The following WDR11 variants were observed in gnomAD, a reference collection of about 807,000 sequenced individuals.
WDR11 encodes WD repeat domain 11.
A neutral mutation model predicts 151.2 loss-of-function variants in WDR11; 83 were observed. The observed-to-expected ratio is 0.55, with a 90% CI of 0.46 to 0.66. The LOEUF is 0.66. Among genes scored for constraint, WDR11 ranks in the 30% least tolerant of loss-of-function variants. The probability of loss-of-function intolerance (pLI) is 0.00; values close to 1 mark genes in which losing one functional copy is unlikely to be tolerated. For synonymous variants in WDR11, 484 were observed against 533.1 expected (o/e 0.91, Z 1.27); for missense variants, 1,301 against 1,480.9 (o/e 0.88, Z 1.99).
chr10:120,891,507 C>G lies in WDR11; in HGVS notation c.2515+620C>G, dbSNP rs114583371. Among the ~76,000 whole-genome samples, 838 of 151,930 alleles carry G rather than the reference C, an allele frequency of 5.5e-3. 14 individuals carry two copies. The highest frequency in any genetic ancestry group is 0.019 in the African/African-American group (799 of 41,460). On this transcript the variant is annotated intron_variant, in intron 19 of 28. Coordinates refer to ENST00000263461, the MANE Select transcript of WDR11 (RefSeq NM_018117.12). ...GACAATTGTGAATGCATCCATTTAT[C>G]AGTTTAAAAGGCAGCTTTTGGCTGA...
At chr10:120,865,003 T>C (rs1409114138) in intron 5 of WDR11, 44 bp from the exon 6 acceptor site, 2 of 1,596,218 alleles carry the variant, frequency 1.3e-6, no homozygotes, top group Non-Finnish European at 1.7e-6. Context: ...TTAGGTCTGA[T>C]ATAAATGAAG....
intron 9 of WDR11, among the ~76,000 whole-genome samples, chr10:120,868,067 T>A (rs1183618477): frequency 1.3e-5 from 2 of 152,210 alleles, no homozygotes; most frequent in Non-Finnish European, 2.9e-5. Context: ...GGATTTTCTG[T>A]TTTATTATTT....
rs1042671304 is a variant in WDR11 at position 120,858,540 on chromosome 10, T to C, written c.199-103T>C. The C allele has an allele frequency of 5.2e-6, 7 of 1,346,288 alleles. No individual in the cohort carries two copies. In the African/African-American group the frequency reaches 7.2e-5, roughly 14 times the overall value. 83.4% of individuals were successfully genotyped at this position (1,346,288 alleles called of 1,614,324 possible). A position where few individuals can be genotyped will look rare whatever the true frequency, so the allele number is the denominator to read the frequency against. On this transcript the variant is annotated intron_variant, in intron 2 of 28. Transcript: ENST00000263461. ...TCTGTTTATTCTTGCTAAATGTTTA[T>C]GTAATATAAATGTAGTATGGGTTCT...
chr10:120,898,783 C>T (rs55850003), intron 19 of WDR11, among the ~76,000 whole-genome samples: 7,430 of 129,400 alleles, frequency 0.057, 626 homozygotes, highest in African/African-American at 0.21. Context: ...AAGTTTGCCT[C>T]CCCAGCCATA....
chr10:120,856,872 T>G (rs766030277), intron 2 of WDR11, among the ~76,000 whole-genome samples: 1 of 152,186 alleles, frequency 6.6e-6, no homozygotes, highest in Non-Finnish European at 1.5e-5. Flanking sequence ...TGTAAAGTTG[T>G]TGTATACACT....
chr10:120,880,286 A>G (rs1846951513), intron 12 of WDR11: 2 of 152,260 alleles, frequency 1.3e-5, no homozygotes, highest in African/African-American at 4.8e-5. Context: ...TACAAAATAA[A>G]TATCTGAATA....
rs1381146878 is a variant in WDR11 at position 120,873,727 on chromosome 10, C to G, written c.1472-112C>G. 5.2e-6 allele frequency: 4 copies of G among 775,872 alleles called. No individual in the cohort carries two copies. In the Admixed American group the frequency reaches 7.2e-5, roughly 14 times the overall value. 48.1% of individuals were successfully genotyped at this position (775,872 alleles called of 1,614,324 possible). A position where few individuals can be genotyped will look rare whatever the true frequency, so the allele number is the denominator to read the frequency against. ...TTGTTTAAACACATAGTTTGGGTTT[C>G]TTTTATAAAAGATAAATGTGTTAAG... On this transcript the variant is annotated intron_variant, in intron 10 of 28. Coordinates refer to ENST00000263461, the MANE Select transcript of WDR11 (RefSeq NM_018117.12).
intron 11 of WDR11, among the ~76,000 whole-genome samples, chr10:120,876,340 T>C (rs1171292933): frequency 2.6e-5 from 4 of 152,164 alleles, no homozygotes; most frequent in African/African-American, 9.7e-5. Flanking sequence ...AAAGTTTGCA[T>C]TGTCTTACTG....
At chr10:120,892,501 C>A (rs905172226) in intron 19 of WDR11, among the ~76,000 whole-genome samples, 8 of 152,158 alleles carry the variant, frequency 5.3e-5, no homozygotes, top group African/African-American at 1.9e-4. Flanking sequence ...TCTGTGTGTT[C>A]ACCTCCAGAT....
chr10:120,883,087 T>C (rs1452091867), intron 13 of WDR11, among the ~76,000 whole-genome samples: 1 of 151,250 alleles, frequency 6.6e-6, no homozygotes, highest in African/African-American at 2.4e-5. Context: ...CTTCAAACTA[T>C]TTGGGTGTTT....
intron 2 of WDR11, among the ~76,000 whole-genome samples, chr10:120,853,370 A>G (rs879354134): frequency 6.6e-6 from 1 of 151,670 alleles, no homozygotes; most frequent in Admixed American, 6.6e-5. Context: ...GGTTCACGCC[A>G]TTCTCCTGCC....
intron 18 of WDR11, among the ~76,000 whole-genome samples, 168 bp downstream of exon 18, chr10:120,890,177 A>G (rs1263100854): frequency 2.6e-5 from 4 of 151,350 alleles, no homozygotes; most frequent in Non-Finnish European, 5.9e-5. Context: ...TTCTAAAGGT[A>G]ACAACTCAAG....
intron 9 of WDR11, among the ~76,000 whole-genome samples, chr10:120,869,947 A>G (rs1174165513): frequency 2.0e-5 from 3 of 151,624 alleles, no homozygotes; most frequent in African/African-American, 7.3e-5. Flanking sequence ...GCGCCACCAC[A>G]CCCAGCTAAT....
chr10:120,889,583 T>C (rs1015861287), intron 17 of WDR11: 11 of 431,534 alleles, frequency 2.5e-5, no homozygotes, highest in Admixed American at 1.8e-4. Flanking sequence ...GCTTGTGACT[T>C]GGCAAGAAGG....
intron 12 of WDR11, chr10:120,880,093 TC>T (rs1212798947): frequency 6.6e-6 from 1 of 152,168 alleles, no homozygotes; most frequent in East Asian, 1.9e-4. Flanking sequence ...CAAGAGTTTT[TC>T]CCCCACTAGT....
chr10:120,882,508 C>A (rs1590089388), intron 13 of WDR11, among the ~76,000 whole-genome samples: 1 of 144,454 alleles, frequency 6.9e-6, no homozygotes, highest in Non-Finnish European at 1.5e-5. Flanking sequence ...CTAAAATTTT[C>A]TTTGTGGCAA....
chr10:120,862,998 T>C (rs941384509), intron 5 of WDR11, 77 bp downstream of exon 5: 3 of 971,258 alleles, frequency 3.1e-6, no homozygotes, highest in Admixed American at 2.1e-5. Flanking sequence ...GTACAAAGAC[T>C]GATGTTTTTC....
chr10:120,894,230 A>T (rs955329044), intron 19 of WDR11, among the ~76,000 whole-genome samples: 14 of 152,186 alleles, frequency 9.2e-5, no homozygotes, highest in African/African-American at 3.4e-4. Flanking sequence ...AGCTTTCTAC[A>T]TATGGCTAGC....
Position 120,900,030 on chromosome 10 carries a change from G to A in WDR11, c.2517G>A (p.Glu839=), listed in dbSNP as rs758178168. 1.9e-6 allele frequency: 3 copies of A among 1,612,570 alleles called. No homozygotes were observed. The highest frequency in any genetic ancestry group is 2.2e-5 in the South Asian group (2 of 91,050). Residue 839 remains glutamate (E), a splice_region_variant and synonymous_variant, in exon 20 of 29, where the codon GAG becomes GAA. Transcript: ENST00000263461. ...TAAAAACCTTTCTTTGTTGTCTAGAGCCTGTGTGGTGCCCCTATCTCCTTG... is the reference window on the plus strand; with the variant it reads ...TAAAAACCTTTCTTTGTTGTCTAGAACCTGTGTGGTGCCCCTATCTCCTTG... ...CFRMDEQELT[E]PVWCPYLLVP...
Sources: allele counts gnomAD v4.1 joint callset (sites outside exome capture counted in the v4.1 genomes callset), GRCh38; gene constraint gnomAD v4.1.1; transcripts MANE v1.5; gene names NCBI Gene and HGNC (gene_info 2026-07-23, HGNC 2026-07-21).